The following KLHL29 variants were observed in gnomAD, a reference collection of about 807,000 sequenced individuals.
KLHL29 encodes kelch-like protein 29.
A neutral mutation model predicts 80.4 loss-of-function variants in KLHL29; 21 were observed. The ratio of observed to expected loss-of-function variants is 0.26; its 90% CI spans 0.19 to 0.38. The LOEUF is 0.38. Among genes scored for constraint, KLHL29 ranks in the 10% least tolerant of loss-of-function variants. The pLI is 1.00. For synonymous variants in KLHL29, 511 were observed against 526.8 expected, an observed-to-expected ratio of 0.97 and a Z score of 0.41; for missense variants, 867 against 1,223.9, an observed-to-expected ratio of 0.71 and a Z score of 4.35.
chr2:23,664,273 A>C (rs972845891), intron 5 of KLHL29, among the ~76,000 whole-genome samples: 1 of 152,194 alleles, frequency 6.6e-6, no homozygotes, highest in Admixed American at 6.5e-5. Context: ...GGCTCAAGGC[A>C]GCAAAGGGAA....
At chr2:23,527,172 C>T (rs1471904127) in intron 2 of KLHL29, among the ~76,000 whole-genome samples, 1 of 152,216 alleles carries the variant, frequency 6.6e-6, no homozygotes, top group African/African-American at 2.4e-5. Flanking sequence ...ACACGGCTCA[C>T]ACGGAGGACA....
At chr2:23,504,694 C>T (rs1055970788) in intron 2 of KLHL29, among the ~76,000 whole-genome samples, 4 of 152,196 alleles carry the variant, frequency 2.6e-5, no homozygotes, top group Non-Finnish European at 4.4e-5. Flanking sequence ...GTTCTAGTGC[C>T]GGGGCTGGGC....
intron 2 of KLHL29, among the ~76,000 whole-genome samples, chr2:23,526,095 G>C (rs1002666705): frequency 6.6e-6 from 1 of 152,246 alleles, no homozygotes; most frequent in African/African-American, 2.4e-5. Context: ...GGAAAAGCAG[G>C]TTAGGAAAAA....
intron 3 of KLHL29, among the ~76,000 whole-genome samples, chr2:23,615,278 C>T (rs6714495): frequency 0.18 from 27,884 of 152,152 alleles, 3,400 homozygotes; most frequent in African/African-American, 0.31. Context: ...TAAATGCAAC[C>T]TCCTCCTAGA....
chr2:23,689,430 C>G (rs1671440178), intron 6 of KLHL29: 1 of 152,548 alleles, frequency 6.6e-6, no homozygotes, highest in Non-Finnish European at 1.5e-5. Flanking sequence ...CCCATCGCAC[C>G]TGTCACTCAG....
intron 3 of KLHL29, among the ~76,000 whole-genome samples, chr2:23,588,061 T>C (rs1238201163): frequency 6.6e-6 from 1 of 152,174 alleles, no homozygotes; most frequent in Non-Finnish European, 1.5e-5. Context: ...CTCATCCTTC[T>C]CTGTAACCTC....
intron 1 of KLHL29, among the ~76,000 whole-genome samples, chr2:23,471,855 G>A (rs1001117776): frequency 5.3e-5 from 8 of 152,170 alleles, no homozygotes; most frequent in African/African-American, 1.9e-4. Context: ...CCCAGGCCAT[G>A]ATCTTTGGAA....
intron 1 of KLHL29, among the ~76,000 whole-genome samples, chr2:23,412,344 A>G (rs913441549): frequency 6.6e-6 from 1 of 152,154 alleles, no homozygotes; most frequent in Admixed American, 6.5e-5. Flanking sequence ...AGTGTTTATG[A>G]TTGCTTGACC....
intron 3 of KLHL29, among the ~76,000 whole-genome samples, chr2:23,590,179 C>T (rs902682690): frequency 1.3e-5 from 2 of 152,234 alleles, no homozygotes; most frequent in African/African-American, 4.8e-5. Context: ...GCCCCAAGCC[C>T]GCTCCTGCCC....
At chr2:23,430,857 CA>C (rs1363424877) in intron 1 of KLHL29, among the ~76,000 whole-genome samples, 2 of 152,168 alleles carry the variant, frequency 1.3e-5, no homozygotes, top group Non-Finnish European at 2.9e-5. Flanking sequence ...GGCCCAGAGG[CA>C]AAAAGAATTG....
At chr2:23,461,853 C>T (rs1244241575) in intron 1 of KLHL29, among the ~76,000 whole-genome samples, 1 of 151,988 alleles carries the variant, frequency 6.6e-6, no homozygotes, top group Non-Finnish European at 1.5e-5. Context: ...GTTCCCTGCT[C>T]TGCATTAGGA....
At position 23,461,089 on chromosome 2, in the gene KLHL29, A is replaced by G. The variant is rs538192777; in HGVS notation, c.-153-14471A>G. 3.9e-5 allele frequency among the ~76,000 whole-genome samples: 6 copies of G among 152,296 alleles called. No homozygotes were observed. In the South Asian group the frequency reaches 1.2e-3, roughly 32 times the overall value. ...TGACAAAATCAAACAATAATCACCA[A>G]CATCTGTTAAGAATCAAATCTGTGT... On this transcript the variant is annotated intron_variant, in intron 1 of 13. Coordinates refer to ENST00000486442, the MANE Select transcript of KLHL29 (RefSeq NM_052920.2).
chr2:23,391,949 G>A (rs1234551211), intron 1 of KLHL29, among the ~76,000 whole-genome samples: 1 of 152,200 alleles, frequency 6.6e-6, no homozygotes. Context: ...TACTGCAGAG[G>A]GATTAGAAAC....
chr2:23,532,201 A>G (rs1341893032), intron 2 of KLHL29, among the ~76,000 whole-genome samples: 1 of 152,218 alleles, frequency 6.6e-6, no homozygotes, highest in Admixed American at 6.5e-5. Context: ...GGCTGAGGCC[A>G]TTTGACATGT....
In KLHL29 at chr2:23,416,689, G is replaced by A. The variant is rs375087348; in HGVS notation, c.-154+30909G>A. Among the ~76,000 whole-genome samples the A allele has an allele frequency of 5.8e-4, 88 of 152,284 alleles. 2 individuals are homozygous for A. In the South Asian group the frequency reaches 0.017, roughly 29 times the overall value. Reference sequence around the variant, plus strand: ...TGCATTTTATCCATTGCTGCCTATCGGGTAAAGAGGGTGTCTAGTGTGTTG... The same window carrying A: ...TGCATTTTATCCATTGCTGCCTATCAGGTAAAGAGGGTGTCTAGTGTGTTG... On this transcript the variant is annotated intron_variant, in intron 1 of 13. Transcript: ENST00000486442.
Position 23,517,369 on chromosome 2 carries a change from G to A in KLHL29, c.-46+41702G>A, listed in dbSNP as rs970109348. Among the ~76,000 whole-genome samples, 6 of 152,218 alleles carry A rather than the reference G, an allele frequency of 3.9e-5. No homozygotes were observed. In the East Asian group the frequency reaches 7.8e-4, roughly 20 times the overall value. On this transcript the variant is annotated intron_variant, in intron 2 of 13. Coordinates refer to ENST00000486442, the MANE Select transcript of KLHL29 (RefSeq NM_052920.2). ...ACCATCCTGGCCAACATGGTGAAAC[G>A]CCGTCTCTACTAAAAATAGAAAAAT...
chr2:23,493,557 C>T (rs1241374929), intron 2 of KLHL29, among the ~76,000 whole-genome samples: 3 of 152,100 alleles, frequency 2.0e-5, no homozygotes, highest in African/African-American at 7.2e-5. Flanking sequence ...GTTTTGCAAT[C>T]ATCAAAAACT....
At chr2:23,624,344 A>G (rs1669257243) in intron 3 of KLHL29, among the ~76,000 whole-genome samples, 1 of 152,140 alleles carries the variant, frequency 6.6e-6, no homozygotes, top group Non-Finnish European at 1.5e-5. Context: ...AGCCATTAAA[A>G]CAGGGCTTCA....
At chr2:23,622,459 G>A (rs976716254) in intron 3 of KLHL29, among the ~76,000 whole-genome samples, 3 of 152,148 alleles carry the variant, frequency 2.0e-5, no homozygotes, top group Admixed American at 6.5e-5. Context: ...CTGGAGAGCC[G>A]AGCCTTTGTC....
Sources: gnomAD v4.1 joint callset for allele counts (sites outside exome capture counted in the v4.1 genomes callset) on GRCh38, gnomAD v4.1.1 for gene constraint, MANE v1.5 for transcripts, NCBI Gene and HGNC (gene_info 2026-07-23, HGNC 2026-07-21) for gene names.